The following ACBD7 variants were observed in gnomAD, a reference collection of about 807,000 sequenced individuals.
ACBD7 encodes the protein acyl-CoA-binding domain-containing protein 7.
Under a neutral mutation model 13.7 loss-of-function variants are expected in ACBD7, and 11 were observed. The ratio of observed to expected loss-of-function variants is 0.80; its 90% CI spans 0.50 to 1.33. ACBD7 has a LOEUF of 1.33. Ranked by LOEUF, ACBD7 falls within the 40% of genes most tolerant of loss-of-function variation. The pLI is 0.00. For synonymous variants in ACBD7, 43 were observed against 37.7 expected, an observed-to-expected ratio of 1.14 and a Z score of -0.51; for missense variants, 111 against 103.0, an observed-to-expected ratio of 1.08 and a Z score of -0.33.
chr10:15,077,177 A>T lies in ACBD7; in HGVS notation c.*1353T>A, dbSNP rs1308410739. Among the ~76,000 whole-genome samples, 1 of 152,210 alleles carries T rather than the reference A, an allele frequency of 6.6e-6. No homozygotes were observed. The highest frequency in any genetic ancestry group is 1.9e-4 in the East Asian group (1 of 5,198). ...ACAATTCACAAGAGCAAAGATATGG[A>T]ATCAACCTAAGTATCCATCAGCAGA... On this transcript the variant is annotated 3_prime_UTR_variant, in exon 4 of 4. Transcript: ENST00000356189.
chr10:15,088,609 CG>C (rs1844836786), intron 1 of ACBD7, 107 bp downstream of exon 1: 2 of 1,426,746 alleles, frequency 1.4e-6, no homozygotes, highest in Non-Finnish European at 1.9e-6. Flanking sequence ...GCGTGTCCCC[CG>C]GGTCACCGCC....
chr10:15,076,850 A>C lies in ACBD7; in HGVS notation c.*1680T>G. The C allele has an allele frequency of 4.1e-6, 4 of 985,408 alleles. No individual in the cohort carries two copies. The highest frequency in any genetic ancestry group is 4.8e-6 in the Non-Finnish European group (4 of 829,942). The allele number at this position is 985,408 out of a possible 1,614,324, so 61.0% of individuals were successfully genotyped here. A position where few individuals can be genotyped will look rare whatever the true frequency, so the allele number is the denominator to read the frequency against. On this transcript the variant is annotated 3_prime_UTR_variant, in exon 4 of 4. Transcript: ENST00000356189. ...TGTTTTTATTTCACCAGTAACATTA[A>C]CTTATTGTAACAGAACAGATGAGCC... is the stretch of plus-strand genomic sequence containing the variant.
chr10:15,079,398 C>T (rs1325336965), intron 1 of ACBD7, among the ~76,000 whole-genome samples: 1 of 151,694 alleles, frequency 6.6e-6, no homozygotes. Context: ...CCTCAGCCTC[C>T]CAAGTAGCTG....
rs913007415 is a variant in ACBD7, at chr10:15,075,506, C to G, written c.*3024G>C. 6.6e-6 allele frequency among the ~76,000 whole-genome samples: 1 copy of G among 152,160 alleles called. No individual in the cohort carries two copies. The highest frequency in any genetic ancestry group is 1.5e-5 in the Non-Finnish European group (1 of 68,032). On this transcript the variant is annotated 3_prime_UTR_variant, in exon 4 of 4. Transcript: ENST00000356189. ...TTTACCCAATTTCCTTTAATGGTAA[C>G]TGTTATGCAAAACTATAGTATAATA...
chr10:15,088,761 T>G lies in ACBD7; in HGVS notation c.-33A>C, dbSNP rs905352304. The G allele has an allele frequency of 6.3e-7, 1 of 1,599,176 alleles. No individual in the cohort carries two copies. The highest frequency in any genetic ancestry group is 2.3e-5 in the East Asian group (1 of 43,252). Reference sequence around the variant, plus strand: ...GCTGCCGCGTTGTTGCTGCTGCTGTTGTCGTCCGGTGCTCTGCCCCCTCTC... The same window carrying G: ...GCTGCCGCGTTGTTGCTGCTGCTGTGGTCGTCCGGTGCTCTGCCCCCTCTC... On this transcript the variant is annotated 5_prime_UTR_variant, in exon 1 of 4. Coordinates refer to ENST00000356189, the MANE Select transcript of ACBD7 (RefSeq NM_001039844.3).
At chr10:15,079,268 CTTT>C (rs36008210) in intron 1 of ACBD7, among the ~76,000 whole-genome samples, 8 of 126,430 alleles carry the variant, frequency 6.3e-5, no homozygotes, top group Admixed American at 1.7e-4. Context: ...GGTTTAACTT[CTTT>C]TTTTTTTTTT....
rs7910372 is a variant in ACBD7, at chr10:15,077,175, G to A, written c.*1355C>T. ...GCACAATTCACAAGAGCAAAGATAT[G>A]GAATCAACCTAAGTATCCATCAGCA... On this transcript the variant is annotated 3_prime_UTR_variant, in exon 4 of 4. Transcript: ENST00000356189. Among the ~76,000 whole-genome samples the A allele has an allele frequency of 0.18, 27,015 of 152,030 alleles. 2,634 individuals are homozygous for A. The highest frequency in any genetic ancestry group is 0.33 in the East Asian group (1,727 of 5,158).
chr10:15,085,514 A>C (rs557442386), intron 1 of ACBD7, among the ~76,000 whole-genome samples: 2 of 152,328 alleles, frequency 1.3e-5, no homozygotes, highest in South Asian at 4.1e-4. Context: ...TTAAGAAGAT[A>C]AAAAATTCTC....
At chr10:15,079,104 G>A in intron 1 of ACBD7, 64 bp from the exon 2 acceptor site, 2 of 1,034,124 alleles carry the variant, frequency 1.9e-6, no homozygotes, top group African/African-American at 1.6e-5. Context: ...GGAACTCAAA[G>A]AGCAGGAAGA....
At chr10:15,087,139 C>T (rs1171430613) in intron 1 of ACBD7, among the ~76,000 whole-genome samples, 1 of 152,142 alleles carries the variant, frequency 6.6e-6, no homozygotes, top group Non-Finnish European at 1.5e-5. Flanking sequence ...GAGATCATGC[C>T]ATTGCACTCC....
intron 1 of ACBD7, among the ~76,000 whole-genome samples, chr10:15,080,933 T>A (rs1204328265): frequency 6.6e-6 from 1 of 152,184 alleles, no homozygotes; most frequent in Non-Finnish European, 1.5e-5. Context: ...CAAGGACATA[T>A]GCTGGCCACC....
Position 15,078,159 on chromosome 10 carries a change from T to C in ACBD7, c.*371A>G. 4.2e-6 allele frequency: 1 copy of C among 240,748 alleles called. No homozygotes were observed. The highest frequency in any genetic ancestry group is 7.2e-5 in the South Asian group (1 of 13,850). 14.9% of individuals were successfully genotyped at this position (240,748 alleles called of 1,614,324 possible). A position where few individuals can be genotyped will look rare whatever the true frequency, so the allele number is the denominator to read the frequency against. ...CTTCCCTGTGTCCATGTGTTCTCAT[T>C]GTTCAACTCCCACTTATGAGTGAGA... On this transcript the variant is annotated 3_prime_UTR_variant, in exon 4 of 4. Transcript: ENST00000356189.
chr10:15,079,681 C>T (rs974751239), intron 1 of ACBD7, among the ~76,000 whole-genome samples: 1 of 151,772 alleles, frequency 6.6e-6, no homozygotes, highest in African/African-American at 2.4e-5. Flanking sequence ...TGGGTTCATG[C>T]CATTCTCCTG....
intron 1 of ACBD7, among the ~76,000 whole-genome samples, chr10:15,087,498 C>T (rs554003652): frequency 2.2e-4 from 33 of 152,310 alleles, no homozygotes; most frequent in South Asian, 1.0e-3. Flanking sequence ...TTTTAGAGGC[C>T]GGGCGTGGTG....
intron 1 of ACBD7, among the ~76,000 whole-genome samples, chr10:15,086,642 A>G (rs7089542): frequency 0.29 from 44,253 of 151,946 alleles, 8,285 homozygotes; most frequent in African/African-American, 0.53. Flanking sequence ...TTGGGAGGCC[A>G]AGGCGGGTGG....
Position 15,088,761 on chromosome 10 carries a change from T to A in ACBD7, c.-33A>T, listed in dbSNP as rs905352304. ...GCTGCCGCGTTGTTGCTGCTGCTGT[T>A]GTCGTCCGGTGCTCTGCCCCCTCTC... On this transcript the variant is annotated 5_prime_UTR_variant, in exon 1 of 4. Coordinates refer to ENST00000356189, the MANE Select transcript of ACBD7 (RefSeq NM_001039844.3). 369 of 1,599,056 alleles carry A rather than the reference T, an allele frequency of 2.3e-4. No homozygotes were observed. The highest frequency in any genetic ancestry group is 3.1e-4 in the Non-Finnish European group (364 of 1,175,604).
Position 15,076,024 on chromosome 10 carries a change from G to T in ACBD7, c.*2506C>A. The T allele has an allele frequency of 7.8e-5, 45 of 578,798 alleles. No individual in the cohort carries two copies. The highest frequency in any genetic ancestry group is 9.2e-5 in the Non-Finnish European group (42 of 458,744). The allele number at this position is 578,798 out of a possible 1,614,324, so 35.9% of individuals were successfully genotyped here. A position where few individuals can be genotyped will look rare whatever the true frequency, so the allele number is the denominator to read the frequency against. On this transcript the variant is annotated 3_prime_UTR_variant, in exon 4 of 4. Coordinates refer to ENST00000356189, the MANE Select transcript of ACBD7 (RefSeq NM_001039844.3). ...AAAAGAAAAAGAATGTTATATAAAT[G>T]GAATTATACATGTCACATTTGGGGA...
intron 1 of ACBD7, among the ~76,000 whole-genome samples, chr10:15,087,493 G>A (rs931476697): frequency 6.6e-6 from 1 of 152,134 alleles, no homozygotes; most frequent in African/African-American, 2.4e-5. Context: ...TTACATTTTA[G>A]AGGCCGGGCG....
intron 1 of ACBD7, among the ~76,000 whole-genome samples, chr10:15,086,985 C>A (rs1360023708): frequency 2.7e-5 from 4 of 149,792 alleles, no homozygotes; most frequent in South Asian, 4.2e-4. Context: ...TGCACTCCAG[C>A]CTGGGCAACA....
Sources: allele counts gnomAD v4.1 joint callset (sites outside exome capture counted in the v4.1 genomes callset), GRCh38; gene constraint gnomAD v4.1.1; transcripts MANE v1.5; gene names NCBI Gene and HGNC (gene_info 2026-07-23, HGNC 2026-07-21).